PCDH7: variants seen among roughly 807,000 people sequenced by gnomAD.
PCDH7 encodes protocadherin-7.
PCDH7 carries 17 observed loss-of-function variants against 58.9 expected under a neutral mutation model. That is an observed-to-expected ratio of 0.29 (90% CI 0.20 to 0.43). The LOEUF is 0.43. Ranked by LOEUF, PCDH7 falls within the 20% of genes least tolerant of loss-of-function variation. PCDH7 has a pLI of 1.00. For missense variants in PCDH7, 1,274 were observed against 1,441.0 expected (o/e 0.88, Z 1.88); for synonymous variants, 664 against 616.4 (o/e 1.08, Z -1.14).
intron 3 of PCDH7, among the ~76,000 whole-genome samples, chr4:31,049,735 G>A (rs151060142): frequency 6.6e-6 from 1 of 152,034 alleles, no homozygotes; most frequent in African/African-American, 2.4e-5. Flanking sequence ...CCTCAGACAC[G>A]ATATCTTTCT....
At chr4:30,953,234 C>T (rs905704744) in intron 3 of PCDH7, among the ~76,000 whole-genome samples, 6 of 152,050 alleles carry the variant, frequency 3.9e-5, no homozygotes, top group Non-Finnish European at 4.4e-5. Context: ...AACTTGAATC[C>T]AATTATCCCA....
Position 30,721,631 on chromosome 4 carries a change from C to T in PCDH7, c.209C>T (p.Ser70Phe). 1 of 1,613,532 alleles carries T rather than the reference C, an allele frequency of 6.2e-7. No individual in the cohort carries two copies. Among genetic ancestry groups the T allele is most frequent in the Non-Finnish European group, 8.5e-7 (1 of 1,179,902 alleles). The change falls in exon 1 of 2, where the codon TCC (serine) becomes TTC (phenylalanine). Residue 70 changes from serine (S) to phenylalanine (F), a missense_variant. By Grantham distance (155) the Ser-to-Phe change is radical (BLOSUM62 -2). Around this residue, in one of 3 missense-constraint regions of PCDH7, gnomAD observed 212 missense variants for 255.8 expected, o/e 0.83. Coordinates refer to ENST00000361762, the Ensembl canonical transcript of PCDH7. The surrounding 1 kb of genome is among the most constrained non-coding windows in gnomAD (Gnocchi z 6.7). ...GGTGAGGTGACTTTCAGCCTGGAGT[C>T]CGGTTCCGAGTACCTGAAGATCGAC... is the stretch of plus-strand genomic sequence containing the variant.
At chr4:31,099,515 A>C (rs886887812) in intron 3 of PCDH7, among the ~76,000 whole-genome samples, 1 of 152,244 alleles carries the variant, frequency 6.6e-6, no homozygotes, top group Non-Finnish European at 1.5e-5. Flanking sequence ...TTTGCCTTCA[A>C]CACACACAAA....
At chr4:30,856,020 C>G (rs975263584) in intron 1 of PCDH7, among the ~76,000 whole-genome samples, 1 of 152,060 alleles carries the variant, frequency 6.6e-6, no homozygotes, top group Non-Finnish European at 1.5e-5. Flanking sequence ...ACTTAACCCT[C>G]TTGATTTTTT....
At chr4:30,948,899 T>C (rs532480542) in intron 2 of PCDH7, among the ~76,000 whole-genome samples, 2 of 152,298 alleles carry the variant, frequency 1.3e-5, no homozygotes, top group East Asian at 3.9e-4. Context: ...GGAGACACCC[T>C]GTCTAAACAG....
At chr4:31,039,525 T>C (rs970524836) in intron 3 of PCDH7, among the ~76,000 whole-genome samples, 9 of 152,140 alleles carry the variant, frequency 5.9e-5, no homozygotes, top group Admixed American at 3.3e-4. Flanking sequence ...GCCTCCCAAG[T>C]AGCTGGGACT....
intron 3 of PCDH7, among the ~76,000 whole-genome samples, chr4:30,962,773 T>C (rs1748571448): frequency 9.6e-6 from 1 of 103,964 alleles, no homozygotes; most frequent in Non-Finnish European, 1.9e-5. Context: ...TGAGACCCAG[T>C]CTTAAAAAAA....
intron 1 of PCDH7, among the ~76,000 whole-genome samples, chr4:30,813,659 G>C (rs921753416): frequency 2.0e-5 from 3 of 152,152 alleles, no homozygotes; most frequent in Non-Finnish European, 2.9e-5. Flanking sequence ...TTTATCTTTT[G>C]AGATGGAGTT....
At chr4:30,890,497 T>C (rs994529142) in intron 1 of PCDH7, among the ~76,000 whole-genome samples, 1 of 131,222 alleles carries the variant, frequency 7.6e-6, no homozygotes, top group African/African-American at 2.9e-5. Flanking sequence ...GATCTTTGTA[T>C]AGTCATTCTC....
intron 3 of PCDH7, among the ~76,000 whole-genome samples, chr4:31,072,659 C>T (rs546748960): frequency 1.7e-3 from 259 of 152,126 alleles, no homozygotes; most frequent in Non-Finnish European, 3.2e-3. Flanking sequence ...AGTCCGAGAA[C>T]GTTTCACAGA....
intron 2 of PCDH7, among the ~76,000 whole-genome samples, chr4:30,938,762 C>G (rs918046757): frequency 1.3e-5 from 2 of 151,858 alleles, no homozygotes; most frequent in African/African-American, 4.8e-5. Context: ...AAATTTGTAA[C>G]ATATGTGCCT....
chr4:30,917,207 T>C (rs1742591481), intron 1 of PCDH7, among the ~76,000 whole-genome samples: 1 of 152,112 alleles, frequency 6.6e-6, no homozygotes. Context: ...TCTCTCTCTG[T>C]CTCTCTCTCA....
rs1462685532 is a variant in PCDH7, at chr4:30,854,288, G to GTATGTAGTATCTAGTATGTAGTTAA, written c.71-65865_71-65864insTATGTAGTATCTAGTATGTAGTTAA. ...TGTGGGACGTTTAACTGCATCCCTG[G>GTATGTAGTATCTAGTATGTAGTTAA]CCCTACATACTAGATGCCAGTAGTA... On this transcript the variant is annotated intron_variant, in intron 1 of 3. Coordinates refer to the PCDH7 transcript ENST00000509759. Among the ~76,000 whole-genome samples the GTATGTAGTATCTAGTATGTAGTTAA allele has an allele frequency of 2.0e-5, 3 of 147,532 alleles. No homozygotes were observed. The East Asian group carries it at 5.9e-4, about 29-fold the overall frequency.
chr4:31,120,927 A>G (rs1717618466), intron 3 of PCDH7, among the ~76,000 whole-genome samples: 1 of 152,186 alleles, frequency 6.6e-6, no homozygotes, highest in Non-Finnish European at 1.5e-5. Context: ...TGTGCCAGGC[A>G]TGGAATAATC....
chr4:31,144,106 A>G (rs1284684089), downstream of PCDH7: 1 of 152,168 alleles, frequency 6.6e-6, no homozygotes, highest in East Asian at 1.9e-4. Flanking sequence ...TTAAATTACA[A>G]TTGCATTTTT....
chr4:30,920,027 A>G lies in PCDH7; in HGVS notation c.71-126A>G, dbSNP rs1450455122. The G allele has an allele frequency of 1.1e-5, 6 of 549,652 alleles. No individual in the cohort carries two copies. The East Asian group carries it at 2.8e-4, about 25-fold the overall frequency. 34.0% of individuals were successfully genotyped at this position (549,652 alleles called of 1,614,324 possible). On this transcript the variant is annotated intron_variant, in intron 1 of 3. Coordinates refer to the PCDH7 transcript ENST00000509759. ...CATAGTTAACTAATGCAGTTTCAACATATCTATTCATTTTGTATTGAATTA... is the reference window on the plus strand; with the variant it reads ...CATAGTTAACTAATGCAGTTTCAACGTATCTATTCATTTTGTATTGAATTA...
At chr4:30,754,742 A>G (rs1268657743) in intron 1 of PCDH7, among the ~76,000 whole-genome samples, 2 of 128,424 alleles carry the variant, frequency 1.6e-5, no homozygotes, top group African/African-American at 3.0e-5. Flanking sequence ...TTTTAAGTCA[A>G]TCCTTTAGAA....
In PCDH7 at chr4:30,865,560, T is replaced by A. The variant is rs150476170; in HGVS notation, c.71-54593T>A. 7.0e-4 allele frequency among the ~76,000 whole-genome samples: 107 copies of A among 152,180 alleles called. 1 individual carries two copies. Among genetic ancestry groups the A allele is most frequent in the African/African-American group, 2.6e-3 (106 of 41,556 alleles). On this transcript the variant is annotated intron_variant, in intron 1 of 3. Transcript: ENST00000509759. ...ATACCACCTCGTAAGCTTGTAGAGCTCTAGCAGTGCATGACACTTAGGCCC... is the reference window on the plus strand; with the variant it reads ...ATACCACCTCGTAAGCTTGTAGAGCACTAGCAGTGCATGACACTTAGGCCC...
At chr4:30,841,819 T>G (rs530633200) in intron 1 of PCDH7, among the ~76,000 whole-genome samples, 1 of 152,242 alleles carries the variant, frequency 6.6e-6, no homozygotes, top group East Asian at 1.9e-4. Context: ...CTGGGGATAG[T>G]GTAGTTACAA....
Sources: allele counts gnomAD v4.1 joint callset (sites outside exome capture counted in the v4.1 genomes callset), GRCh38; gene constraint gnomAD v4.1.1; regional missense constraint gnomAD v4.1.1; non-coding constraint Gnocchi (gnomAD v3.1); transcripts MANE v1.5; gene names NCBI Gene and HGNC (gene_info 2026-07-23, HGNC 2026-07-21).